Variants in GRIA1 observed in about 807,000 individuals in gnomAD.
GRIA1 encodes the protein glutamate receptor 1.
Under a neutral mutation model 99.2 loss-of-function variants are expected in GRIA1, and 31 were observed. The observed-to-expected ratio is 0.31, with a 90% CI of 0.23 to 0.42. The LOEUF (loss-of-function observed/expected upper bound fraction) is 0.42. GRIA1 is among the 10% of genes least tolerant of loss of function. The pLI is 1.00. For missense variants in GRIA1, 782 were observed against 1,157.5 expected (o/e 0.68, Z 4.71); for synonymous variants, 438 against 432.4 (o/e 1.01, Z -0.16).
intron 2 of GRIA1, among the ~76,000 whole-genome samples, chr5:153,581,757 T>TC (rs1437995713): frequency 8.0e-6 from 1 of 125,598 alleles, no homozygotes; most frequent in Non-Finnish European, 1.7e-5. Context: ...CTTTTCTCTT[T>TC]TTTTTTTTTT....
intron 8 of GRIA1, among the ~76,000 whole-genome samples, chr5:153,694,044 G>T (rs1757935180): frequency 6.6e-6 from 1 of 152,186 alleles, no homozygotes; most frequent in Admixed American, 6.5e-5. Flanking sequence ...AAAAGAGTTA[G>T]AAATAAAATA....
intron 2 of GRIA1, among the ~76,000 whole-genome samples, chr5:153,546,457 A>G (rs1288883001): frequency 1.3e-5 from 2 of 152,230 alleles, no homozygotes; most frequent in Non-Finnish European, 2.9e-5. Context: ...AAGGAATTCA[A>G]TAATTATTAC....
intron 11 of GRIA1, among the ~76,000 whole-genome samples, chr5:153,725,910 C>G (rs10075579): frequency 8.3e-6 from 1 of 121,176 alleles, no homozygotes; most frequent in Non-Finnish European, 1.7e-5. Flanking sequence ...TCTACAGAAC[C>G]CTCCACCCCA....
chr5:153,809,868 G>A (rs538521409), intron 15 of GRIA1, among the ~76,000 whole-genome samples: 1 of 152,282 alleles, frequency 6.6e-6, no homozygotes, highest in East Asian at 1.9e-4. Flanking sequence ...AAGGCTTCAA[G>A]ACGACAGTGA....
intron 2 of GRIA1, among the ~76,000 whole-genome samples, chr5:153,645,461 T>C (rs1027192678): frequency 1.3e-5 from 2 of 152,142 alleles, no homozygotes; most frequent in Admixed American, 1.3e-4. Flanking sequence ...AGATTTTCAA[T>C]AACATTTCAA....
chr5:153,775,584 T>C lies in GRIA1; in HGVS notation c.2270+5169T>C, dbSNP rs113668337. ...TGTGCTTTCCATTTAGCTTCACCGATTGGTTTCCAAATACCTTCTCACACA... is the reference window on the plus strand; with the variant it reads ...TGTGCTTTCCATTTAGCTTCACCGACTGGTTTCCAAATACCTTCTCACACA... On this transcript the variant is annotated intron_variant, in intron 13 of 15. Transcript: ENST00000285900. 6.1e-3 allele frequency among the ~76,000 whole-genome samples: 921 copies of C among 152,208 alleles called. 10 individuals are homozygous for C. The highest frequency in any genetic ancestry group is 0.021 in the African/African-American group (880 of 41,528).
chr5:153,734,654 A>G (rs1761259235), intron 11 of GRIA1, among the ~76,000 whole-genome samples: 1 of 152,222 alleles, frequency 6.6e-6, no homozygotes, highest in African/African-American at 2.4e-5. Flanking sequence ...GCACTATGTC[A>G]AGAGAAGAGC....
intron 11 of GRIA1, among the ~76,000 whole-genome samples, chr5:153,761,011 G>A (rs1267068707): frequency 6.6e-6 from 1 of 151,940 alleles, no homozygotes; most frequent in African/African-American, 2.4e-5. Context: ...TCTCTCACTA[G>A]GTACCAAAAT....
intron 15 of GRIA1, among the ~76,000 whole-genome samples, chr5:153,806,467 A>G (rs578098438): frequency 4.5e-4 from 69 of 152,220 alleles, no homozygotes; most frequent in Non-Finnish European, 9.1e-4. Context: ...GGGTTTCACC[A>G]TGTTAGCCAG....
chr5:153,600,253 G>A (rs920682152), intron 2 of GRIA1, among the ~76,000 whole-genome samples: 4 of 151,888 alleles, frequency 2.6e-5, no homozygotes, highest in Non-Finnish European at 4.4e-5. Context: ...CTAGCTGGGC[G>A]TGGTGGCGGG....
Position 153,764,363 on chromosome 5 carries a change from G to A in GRIA1, c.1824-71G>A, listed in dbSNP as rs1763375544. On this transcript the variant is annotated intron_variant, in intron 11 of 15. Transcript: ENST00000285900. ...CTCTGCTGCCAAGCCCCGGACCCGTGCTCAGTCCCTCCCCAGAGCTTTCCA... is the reference window on the plus strand; with the variant it reads ...CTCTGCTGCCAAGCCCCGGACCCGTACTCAGTCCCTCCCCAGAGCTTTCCA... 5.1e-6 allele frequency: 6 copies of A among 1,188,098 alleles called. No homozygotes were observed. In the Admixed American group the frequency reaches 8.4e-5, roughly 17 times the overall value. 73.6% of individuals were successfully genotyped at this position (1,188,098 alleles called of 1,614,324 possible).
chr5:153,799,088 C>T (rs868863207), intron 14 of GRIA1, among the ~76,000 whole-genome samples: 5 of 152,120 alleles, frequency 3.3e-5, no homozygotes, highest in Non-Finnish European at 5.9e-5. Context: ...TCCACCCCCC[C>T]CTGACAAGCT....
chr5:153,709,144 G>A (rs1759129118), intron 11 of GRIA1, among the ~76,000 whole-genome samples: 1 of 152,182 alleles, frequency 6.6e-6, no homozygotes, highest in African/African-American at 2.4e-5. Flanking sequence ...AGAAACTTTT[G>A]TTGTCATTGT....
At chr5:153,501,537 T>C (rs559146992) in intron 2 of GRIA1, among the ~76,000 whole-genome samples, 1 of 152,314 alleles carries the variant, frequency 6.6e-6, no homozygotes, top group East Asian at 1.9e-4. Context: ...GCTCAAACAC[T>C]AAAGAACCCA....
intron 2 of GRIA1, among the ~76,000 whole-genome samples, chr5:153,645,062 G>A (rs1754045841): frequency 6.6e-6 from 1 of 152,128 alleles, no homozygotes; most frequent in Non-Finnish European, 1.5e-5. Context: ...TTTTGTCTTT[G>A]TTGTTTAAAT....
At chr5:153,734,915 G>A (rs1761279636) in intron 11 of GRIA1, among the ~76,000 whole-genome samples, 1 of 152,162 alleles carries the variant, frequency 6.6e-6, no homozygotes, top group Non-Finnish European at 1.5e-5. Context: ...AATTTGATCT[G>A]ATTTACATTT....
chr5:153,579,174 C>A (rs750622280), intron 2 of GRIA1, among the ~76,000 whole-genome samples: 1 of 152,124 alleles, frequency 6.6e-6, no homozygotes, highest in African/African-American at 2.4e-5. Context: ...CATCATTTCC[C>A]CAAAGCTCTG....
chr5:153,614,990 A>G (rs1295349967), intron 2 of GRIA1, among the ~76,000 whole-genome samples: 1 of 152,234 alleles, frequency 6.6e-6, no homozygotes, highest in East Asian at 1.9e-4. Flanking sequence ...ATCATTAACA[A>G]TTTAGGCAAT....
intron 8 of GRIA1, among the ~76,000 whole-genome samples, chr5:153,689,576 A>C (rs1343340305): frequency 6.6e-6 from 1 of 152,182 alleles, no homozygotes; most frequent in East Asian, 1.9e-4. Flanking sequence ...TGAAGGTGCA[A>C]CAAGTAAGAA....
Sources: allele counts gnomAD v4.1 joint callset (sites outside exome capture counted in the v4.1 genomes callset), GRCh38; gene constraint gnomAD v4.1.1; transcripts MANE v1.5; gene names NCBI Gene and HGNC (gene_info 2026-07-23, HGNC 2026-07-21).